Variants in NR5A2 observed in about 807,000 individuals in gnomAD.
The protein encoded by NR5A2 is CYP7A promoter-binding factor.
A neutral mutation model predicts 62.7 loss-of-function variants in NR5A2; 26 were observed. The ratio of observed to expected loss-of-function variants is 0.41; its 90% CI spans 0.30 to 0.58. NR5A2 has a LOEUF of 0.58. NR5A2 is among the 20% of genes least tolerant of loss of function. NR5A2 has a pLI of 0.22. For missense variants in NR5A2, 541 were observed against 669.1 expected (o/e 0.81, Z 2.11); for synonymous variants, 246 against 241.7 (o/e 1.02, Z -0.16).
rs567891239 is a variant in NR5A2, at chr1:200,108,948, A to G, written c.1111-2254A>G. ...GGCAGATCTGCATAAGCTGCTGCCC[A>G]CCACCTGGATTGTAAAACCACATGC... On this transcript the variant is annotated intron_variant, in intron 5 of 7. Transcript: ENST00000367362. Among the ~76,000 whole-genome samples the G allele has an allele frequency of 2.6e-5, 4 of 152,324 alleles. No homozygotes were observed. The South Asian group carries it at 8.3e-4, about 32-fold the overall frequency.
At chr1:200,077,168 T>C (rs959695378) in intron 5 of NR5A2, among the ~76,000 whole-genome samples, 1 of 152,234 alleles carries the variant, frequency 6.6e-6, no homozygotes, top group African/African-American at 2.4e-5. Context: ...AATTATAAAA[T>C]GTTTTATGTT....
chr1:200,060,192 ACT>A (rs1457045130), intron 5 of NR5A2, among the ~76,000 whole-genome samples: 1 of 151,522 alleles, frequency 6.6e-6, no homozygotes, highest in East Asian at 1.9e-4. Context: ...TACTTCATTA[ACT>A]CTTTTTCCTT....
In NR5A2 at chr1:200,059,361, G is replaced by A. The variant is rs1052482825; in HGVS notation, c.1110+10543G>A. Among the ~76,000 whole-genome samples, 11 of 152,276 alleles carry A rather than the reference G, an allele frequency of 7.2e-5. No individual in the cohort carries two copies. In the South Asian group the frequency reaches 2.1e-3, roughly 29 times the overall value. ...CTTATCTCCCAACCTCCCAGTGCTC[G>A]GCACTGGTTCCTACTGAACAATCGG... On this transcript the variant is annotated intron_variant, in intron 5 of 7. Transcript: ENST00000367362.
chr1:200,103,101 T>G lies in NR5A2; in HGVS notation c.1111-8101T>G, dbSNP rs545528850. 9.9e-5 allele frequency among the ~76,000 whole-genome samples: 15 copies of G among 151,438 alleles called. 1 individual carries two copies. The East Asian group carries it at 2.3e-3, about 23-fold the overall frequency. On this transcript the variant is annotated intron_variant, in intron 5 of 7. Transcript: ENST00000367362. The stretch of plus-strand genomic sequence containing the variant: ...TCATTGAGTTGTTGTGAAGATTAAA[T>G]GAGTTCATGCATGTAAAACTCTTTT...
At chr1:200,058,138 A>C (rs367709637) in intron 5 of NR5A2, 2 of 152,170 alleles carry the variant, frequency 1.3e-5, no homozygotes, top group African/African-American at 4.8e-5. Flanking sequence ...TTTACAAAGA[A>C]CTTCCATATA....
intron 2 of NR5A2, among the ~76,000 whole-genome samples, chr1:200,040,832 T>C (rs1662033398): frequency 6.6e-6 from 1 of 152,194 alleles, no homozygotes; most frequent in Admixed American, 6.5e-5. Context: ...GGGGGACCTG[T>C]AGTCGCCCTA....
chr1:200,035,773 G>A (rs552280865), intron 1 of NR5A2, among the ~76,000 whole-genome samples: 1 of 152,300 alleles, frequency 6.6e-6, no homozygotes, highest in South Asian at 2.1e-4. Context: ...AGTCAGAACC[G>A]GGAAGGGCGA....
intron 6 of NR5A2, among the ~76,000 whole-genome samples, chr1:200,120,537 T>C (rs965859346): frequency 2.0e-5 from 3 of 152,194 alleles, no homozygotes; most frequent in Admixed American, 2.0e-4. Context: ...TCAAACTACT[T>C]GCATGGGGAA....
rs1229729513 is a variant in NR5A2, at chr1:200,174,218, C to A, written c.*8C>A. The A allele has an allele frequency of 3.9e-6, 6 of 1,541,508 alleles. No individual in the cohort carries two copies. The highest frequency in any genetic ancestry group is 5.2e-6 in the Non-Finnish European group (6 of 1,143,202). On this transcript the variant is annotated 3_prime_UTR_variant, in exon 8 of 8. Transcript: ENST00000367362. ...CATGCCAAAAGAGCATAAGTTACAACCCCTAGGAGCTCTGCTTTCAAAACA... is the reference window on the plus strand; with the variant it reads ...CATGCCAAAAGAGCATAAGTTACAAACCCTAGGAGCTCTGCTTTCAAAACA...
intron 7 of NR5A2, among the ~76,000 whole-genome samples, chr1:200,144,233 TCACACACA>T (rs60365337): frequency 1.5e-4 from 12 of 80,028 alleles, no homozygotes; most frequent in South Asian, 4.5e-4. Context: ...TCTCTCTCTC[TCACACACA>T]CACACACACA....
At chr1:200,125,507 G>A (rs997695274) in intron 7 of NR5A2, among the ~76,000 whole-genome samples, 5 of 152,158 alleles carry the variant, frequency 3.3e-5, no homozygotes, top group Non-Finnish European at 5.9e-5. Context: ...GGCCCAGACA[G>A]AAAAGCTACT....
chr1:200,063,079 A>G (rs1663300777), intron 5 of NR5A2, among the ~76,000 whole-genome samples: 1 of 151,000 alleles, frequency 6.6e-6, no homozygotes, highest in Non-Finnish European at 1.5e-5. Context: ...GCTGGAGTGC[A>G]GTGTCGCGAT....
chr1:200,170,425 C>T lies in NR5A2; in HGVS notation c.1379-3538C>T, dbSNP rs1654118898. Among the ~76,000 whole-genome samples, 12 of 152,252 alleles carry T rather than the reference C, an allele frequency of 7.9e-5. No individual in the cohort carries two copies. The South Asian group carries it at 2.5e-3, about 32-fold the overall frequency. On this transcript the variant is annotated intron_variant, in intron 7 of 7. Transcript: ENST00000367362. ...TTCATCAAAACTAATTCCATGAGTA[C>T]CGAGGAAACACACTTAAGTTTCTAA...
intron 5 of NR5A2, among the ~76,000 whole-genome samples, chr1:200,052,877 C>T (rs571138585): frequency 3.5e-4 from 54 of 152,228 alleles, no homozygotes; most frequent in South Asian, 8.3e-4. Context: ...CCTGACCTTG[C>T]GATCCGCCCG....
At chr1:200,038,327 T>A (rs183778954) in intron 1 of NR5A2, among the ~76,000 whole-genome samples, 1 of 152,332 alleles carries the variant, frequency 6.6e-6, no homozygotes, top group Non-Finnish European at 1.5e-5. Context: ...TAGATGATCT[T>A]GGGCTCCAGT....
chr1:200,098,340 G>A (rs1373505048), intron 5 of NR5A2, among the ~76,000 whole-genome samples: 1 of 151,434 alleles, frequency 6.6e-6, no homozygotes, highest in African/African-American at 2.4e-5. Flanking sequence ...CTATGGTTTT[G>A]TATTTTGTAA....
intron 6 of NR5A2, among the ~76,000 whole-genome samples, chr1:200,117,794 A>G (rs189741406): frequency 6.6e-6 from 1 of 151,718 alleles, no homozygotes; most frequent in African/African-American, 2.4e-5. Flanking sequence ...GCTCACTGCA[A>G]CCTCCGCCTC....
At chr1:200,050,464 T>C (rs1301788706) in intron 5 of NR5A2, among the ~76,000 whole-genome samples, 1 of 152,024 alleles carries the variant, frequency 6.6e-6, no homozygotes, top group African/African-American at 2.4e-5. Context: ...TGTGGAGGAG[T>C]ATTGGGAGCA....
chr1:200,099,626 C>T (rs1665271477), intron 5 of NR5A2, among the ~76,000 whole-genome samples: 1 of 152,066 alleles, frequency 6.6e-6, no homozygotes, highest in African/African-American at 2.4e-5. Context: ...TGGAATCTTG[C>T]TCTGTCGCCC....
Sources: allele counts gnomAD v4.1 joint callset (sites outside exome capture counted in the v4.1 genomes callset), GRCh38; gene constraint gnomAD v4.1.1; transcripts MANE v1.5; gene names NCBI Gene and HGNC (gene_info 2026-07-23, HGNC 2026-07-21).